SLC44A5: variants seen among roughly 807,000 people sequenced by gnomAD.
SLC44A5 encodes the protein choline transporter-like protein 5.
SLC44A5 carries 57 observed loss-of-function variants against 101.8 expected under a neutral mutation model. The observed-to-expected ratio is 0.56, with a 90% confidence interval of 0.45 to 0.70. The LOEUF (loss-of-function observed/expected upper bound fraction) is 0.70. SLC44A5 is among the 30% of genes least tolerant of loss of function. The probability of loss-of-function intolerance (pLI) is 0.00; values close to 1 mark genes in which losing one functional copy is unlikely to be tolerated. For missense variants in SLC44A5, 737 were observed against 853.1 expected (o/e 0.86, Z 1.70); for synonymous variants, 281 against 290.9 (o/e 0.97, Z 0.35).
intron 2 of SLC44A5, among the ~76,000 whole-genome samples, chr1:75,540,701 AT>A (rs201317276): frequency 5.3e-5 from 8 of 151,108 alleles, no homozygotes; most frequent in South Asian, 4.2e-4. Context: ...CTTATGCCAC[AT>A]TTTTTTTTCA....
intron 2 of SLC44A5, among the ~76,000 whole-genome samples, chr1:75,532,392 C>T (rs1302197915): frequency 1.5e-5 from 2 of 137,812 alleles, no homozygotes; most frequent in African/African-American, 2.7e-5. Flanking sequence ...TATTTTCATA[C>T]GGTTGTTCTG....
intron 22 of SLC44A5, among the ~76,000 whole-genome samples, chr1:75,212,582 C>T (rs1646880124): frequency 6.6e-6 from 1 of 152,078 alleles, no homozygotes; most frequent in African/African-American, 2.4e-5. Flanking sequence ...TTTTCTTTAT[C>T]CAGTCTATAA....
At chr1:75,333,181 G>C (rs900963187) in intron 4 of SLC44A5, among the ~76,000 whole-genome samples, 1 of 152,066 alleles carries the variant, frequency 6.6e-6, no homozygotes, top group African/African-American at 2.4e-5. Context: ...CACTTCCTTT[G>C]AAAACTTTTT....
chr1:75,289,785 T>C (rs1014460003), intron 5 of SLC44A5, among the ~76,000 whole-genome samples: 4 of 152,222 alleles, frequency 2.6e-5, no homozygotes, highest in African/African-American at 9.6e-5. Context: ...TTGTCTACTT[T>C]GACCGAAAGA....
the SLC44A5 span, among the ~76,000 whole-genome samples, chr1:75,664,969 A>T: frequency 1.3e-5 from 2 of 151,904 alleles, no homozygotes; most frequent in African/African-American, 4.8e-5. Flanking sequence ...ATCACAGAAA[A>T]ATGGAAAAAC....
chr1:75,522,529 C>A (rs914836041), intron 2 of SLC44A5, among the ~76,000 whole-genome samples: 43 of 151,992 alleles, frequency 2.8e-4, no homozygotes, highest in African/African-American at 1.0e-3. Context: ...TTCCCACCCC[C>A]TCATCTCTCA....
intron 2 of SLC44A5, among the ~76,000 whole-genome samples, chr1:75,436,828 T>C (rs140978800): frequency 2.3e-4 from 35 of 152,328 alleles, no homozygotes; most frequent in African/African-American, 7.7e-4. Context: ...CCTTAGTCTT[T>C]AGCTTTCTTC....
At chr1:75,501,302 A>G (rs957801092) in intron 2 of SLC44A5, among the ~76,000 whole-genome samples, 2 of 152,136 alleles carry the variant, frequency 1.3e-5, no homozygotes, top group Non-Finnish European at 2.9e-5. Flanking sequence ...TTTCCCTCCT[A>G]TATCTTGATT....
intron 2 of SLC44A5, among the ~76,000 whole-genome samples, chr1:75,482,380 C>G (rs1455461077): frequency 6.6e-6 from 1 of 151,916 alleles, no homozygotes; most frequent in South Asian, 2.1e-4. Flanking sequence ...TGCAACTAAC[C>G]TGCACATTGT....
chr1:75,208,640 G>A (rs989126544), intron 23 of SLC44A5, among the ~76,000 whole-genome samples: 5 of 152,096 alleles, frequency 3.3e-5, no homozygotes, highest in Admixed American at 3.3e-4. Context: ...GACAGCAATT[G>A]GGTTTGGTAC....
In SLC44A5 at chr1:75,302,062, G is replaced by C. The variant is rs1654488842; in HGVS notation, c.102-1377C>G. ...AATTTTTAATTTCATTTGAATTTAAGAATTATGAGAATAATAACAAGAGAA... is the reference window on the plus strand; with the variant it reads ...AATTTTTAATTTCATTTGAATTTAACAATTATGAGAATAATAACAAGAGAA... On this transcript the variant is annotated intron_variant, in intron 4 of 23. Transcript: ENST00000370859. Among the ~76,000 whole-genome samples, 5 of 125,756 alleles carry C rather than the reference G, an allele frequency of 4.0e-5. No homozygotes were observed. In the Admixed American group the frequency reaches 4.7e-4, roughly 12 times the overall value. The allele number at this position is 125,756 out of a possible 152,430, so 82.5% of individuals were successfully genotyped here.
At chr1:75,232,525 C>T (rs1254912921) in intron 12 of SLC44A5, among the ~76,000 whole-genome samples, 1 of 152,002 alleles carries the variant, frequency 6.6e-6, no homozygotes. Context: ...TTATTTGTTA[C>T]CTGGCTGTGC....
intron 4 of SLC44A5, among the ~76,000 whole-genome samples, chr1:75,316,703 G>T (rs1206639044): frequency 6.6e-6 from 1 of 151,984 alleles, no homozygotes; most frequent in East Asian, 1.9e-4. Context: ...GTAGAAGGAG[G>T]GTTAGTATTC....
chr1:75,605,059 G>C (rs185010705), intron 1 of SLC44A5, among the ~76,000 whole-genome samples: 1,579 of 152,076 alleles, frequency 0.01, 11 homozygotes, highest in Non-Finnish European at 0.016. Flanking sequence ...GGGCATCCTT[G>C]TCTTGTTCCA....
intron 4 of SLC44A5, among the ~76,000 whole-genome samples, chr1:75,318,421 AAGAAAGAAAG>A (rs1435078426): frequency 6.9e-6 from 1 of 144,024 alleles, no homozygotes; most frequent in Non-Finnish European, 1.6e-5. Flanking sequence ...GAAAGAAAGA[AAGAAAGAAAG>A]AAATCTGCTG....
At chr1:75,495,803 A>C (rs954458132) in intron 2 of SLC44A5, among the ~76,000 whole-genome samples, 1 of 152,166 alleles carries the variant, frequency 6.6e-6, no homozygotes, top group Non-Finnish European at 1.5e-5. Flanking sequence ...TTAATTTTTA[A>C]AATTTTTAGT....
intron 1 of SLC44A5, among the ~76,000 whole-genome samples, chr1:75,565,181 C>T (rs925343311): frequency 1.3e-5 from 2 of 152,136 alleles, no homozygotes; most frequent in South Asian, 4.1e-4. Context: ...CCTACTTTTC[C>T]CGACCATAAC....
At chr1:75,271,399 A>C (rs190561757) in intron 6 of SLC44A5, among the ~76,000 whole-genome samples, 112 of 151,934 alleles carry the variant, frequency 7.4e-4, no homozygotes, top group African/African-American at 2.4e-3. Flanking sequence ...TCTCTTGAGC[A>C]GTATATACTG....
At chr1:75,207,169 A>G (rs1225977675) in intron 23 of SLC44A5, among the ~76,000 whole-genome samples, 1 of 152,186 alleles carries the variant, frequency 6.6e-6, no homozygotes, top group Non-Finnish European at 1.5e-5. Context: ...GATGTTACAG[A>G]CGAACACCCT....
Sources: allele counts gnomAD v4.1 joint callset (sites outside exome capture counted in the v4.1 genomes callset), GRCh38; gene constraint gnomAD v4.1.1; transcripts MANE v1.5; gene names NCBI Gene and HGNC (gene_info 2026-07-23, HGNC 2026-07-21).